CDH18: variants seen among roughly 807,000 people sequenced by gnomAD.
CDH18 encodes the protein cadherin 18.
A neutral mutation model predicts 67.9 loss-of-function variants in CDH18; 31 were observed. The ratio of observed to expected loss-of-function variants is 0.46; its 90% CI spans 0.34 to 0.62. The LOEUF (loss-of-function observed/expected upper bound fraction) is 0.62, where lower values mean the gene tolerates loss of function less well. Among genes scored for constraint, CDH18 ranks in the 20% least tolerant of loss-of-function variants. The probability of loss-of-function intolerance (pLI) is 0.01; values close to 1 mark genes in which losing one functional copy is unlikely to be tolerated. For missense variants in CDH18, 890 were observed against 975.5 expected, an observed-to-expected ratio of 0.91 and a Z score of 1.17; for synonymous variants, 362 against 347.2, an observed-to-expected ratio of 1.04 and a Z score of -0.48.
At chr5:19,612,874 C>A (rs529191924) in intron 5 of CDH18, among the ~76,000 whole-genome samples, 1 of 152,208 alleles carries the variant, frequency 6.6e-6, no homozygotes, top group Admixed American at 6.5e-5. Context: ...GATGCGGTGG[C>A]TCACGCCTGT....
chr5:20,031,553 T>C (rs1739400911), intron 2 of CDH18, among the ~76,000 whole-genome samples: 1 of 152,002 alleles, frequency 6.6e-6, no homozygotes. Flanking sequence ...TGTGCTCCTC[T>C]TTCTAATTTC....
chr5:20,335,669 T>C (rs1160034595), intron 1 of CDH18, among the ~76,000 whole-genome samples: 1 of 152,222 alleles, frequency 6.6e-6, no homozygotes, highest in African/African-American at 2.4e-5. Flanking sequence ...TCTTATCACT[T>C]AAATGGATAG....
intron 1 of CDH18, among the ~76,000 whole-genome samples, chr5:20,307,021 G>A (rs1736526712): frequency 6.6e-6 from 1 of 151,696 alleles, no homozygotes; most frequent in Non-Finnish European, 1.5e-5. Flanking sequence ...GATATCTTAT[G>A]AGGAAAATAC....
intron 2 of CDH18, among the ~76,000 whole-genome samples, chr5:20,099,280 A>G (rs1327082986): frequency 1.3e-5 from 2 of 152,162 alleles, no homozygotes; most frequent in Non-Finnish European, 2.9e-5. Context: ...GGGATTAACA[A>G]TCCTGGCTTC....
At chr5:19,604,530 A>AC (rs1747707671) in intron 6 of CDH18, among the ~76,000 whole-genome samples, 4 of 145,118 alleles carry the variant, frequency 2.8e-5, no homozygotes, top group African/African-American at 1.0e-4. Flanking sequence ...TTCAAATTAA[A>AC]ACACACACAC....
chr5:20,536,809 AT>A (rs1313158316), intron 1 of CDH18, among the ~76,000 whole-genome samples: 1 of 147,006 alleles, frequency 6.8e-6, no homozygotes, highest in Non-Finnish European at 1.5e-5. Context: ...TGAGTATTAT[AT>A]TTTTGATTGT....
chr5:19,945,389 G>C (rs550851977), intron 2 of CDH18, among the ~76,000 whole-genome samples: 1 of 152,152 alleles, frequency 6.6e-6, no homozygotes, highest in Admixed American at 6.6e-5. Flanking sequence ...AGCCAAAGAA[G>C]GGCAACTGAA....
intron 5 of CDH18, among the ~76,000 whole-genome samples, chr5:19,653,397 C>G (rs1017720367): frequency 1.3e-5 from 2 of 151,746 alleles, no homozygotes; most frequent in African/African-American, 2.4e-5. Flanking sequence ...TCAAACATGG[C>G]CGAGTTCACT....
chr5:19,476,626 T>C (rs893315346), intron 12 of CDH18, among the ~76,000 whole-genome samples: 2 of 152,106 alleles, frequency 1.3e-5, no homozygotes, highest in Admixed American at 1.3e-4. Flanking sequence ...TTCATCTTTA[T>C]AATTAAATGA....
At chr5:20,438,148 C>A (rs1749317268) in intron 1 of CDH18, among the ~76,000 whole-genome samples, 1 of 150,914 alleles carries the variant, frequency 6.6e-6, no homozygotes, top group Admixed American at 6.6e-5. Flanking sequence ...TATATCATCC[C>A]TATTCACGAA....
chr5:19,743,695 C>T (rs1049764390), intron 4 of CDH18, among the ~76,000 whole-genome samples: 4 of 152,056 alleles, frequency 2.6e-5, no homozygotes, highest in Admixed American at 1.3e-4. Flanking sequence ...CCCAGAAGGG[C>T]GGATCATTTG....
intron 7 of CDH18, 70 bp downstream of exon 7, chr5:19,590,986 GC>G: frequency 1.1e-6 from 1 of 874,578 alleles, no homozygotes; most frequent in Non-Finnish European, 1.8e-6. Flanking sequence ...GATTATTCAT[GC>G]CTCTGCCAAA....
At chr5:19,799,471 C>G (rs922005054) in intron 3 of CDH18, among the ~76,000 whole-genome samples, 1 of 148,974 alleles carries the variant, frequency 6.7e-6, no homozygotes, top group African/African-American at 2.5e-5. Flanking sequence ...CACACACACA[C>G]ACCACATACA....
At chr5:19,787,731 A>T (rs1348368114) in intron 3 of CDH18, among the ~76,000 whole-genome samples, 1 of 151,518 alleles carries the variant, frequency 6.6e-6, no homozygotes, top group Non-Finnish European at 1.5e-5. Flanking sequence ...ATCAGATGAA[A>T]ATCCAAGATA....
chr5:20,092,450 G>A (rs1466201111), intron 2 of CDH18, among the ~76,000 whole-genome samples: 1 of 152,026 alleles, frequency 6.6e-6, no homozygotes, highest in East Asian at 1.9e-4. Flanking sequence ...ACAACCTAAA[G>A]AGAAAATGTT....
chr5:19,473,245 T>C lies in CDH18; in HGVS notation c.2354A>G (p.Glu785Gly). The part of the protein sequence containing the change: ...KKLAELYGEI[E>G]SERTT ...GACCCCCTAAGTTGTTCTTTCAGAT[T>C]CTATTTCTCCATAGAGTTCAGCTAA... The change falls in exon 13 of 13, where the codon GAA (glutamate) becomes GGA (glycine). Residue 785 changes from glutamate (E) to glycine (G), a missense_variant. By Grantham distance (98) the Glu-to-Gly change is moderately conservative. This residue lies in a region of CDH18 where 656 missense variants were observed against 668.1 expected (regional missense o/e 0.98). Transcript: ENST00000382275. The C allele has an allele frequency of 6.2e-7, 1 of 1,613,268 alleles. No individual in the cohort carries two copies. The highest frequency in any genetic ancestry group is 8.5e-7 in the Non-Finnish European group (1 of 1,179,488).
At chr5:19,982,387 ACT>A (rs1160193776) in intron 1 of CDH18, among the ~76,000 whole-genome samples, 3 of 151,496 alleles carry the variant, frequency 2.0e-5, no homozygotes, top group Admixed American at 6.6e-5. Context: ...AATCTAGAAA[ACT>A]CACATTTTTC....
intron 2 of CDH18, among the ~76,000 whole-genome samples, chr5:19,957,132 G>A (rs2150286897): frequency 6.6e-6 from 1 of 151,980 alleles, no homozygotes; most frequent in East Asian, 1.9e-4. Flanking sequence ...ATAGAATTGA[G>A]CATCTCTAAT....
intron 2 of CDH18, among the ~76,000 whole-genome samples, chr5:20,082,563 T>C (rs1580197253): frequency 6.6e-6 from 1 of 152,316 alleles, no homozygotes; most frequent in African/African-American, 2.4e-5. Context: ...GGTCCTTTGA[T>C]TTAGTTATGT....
Sources: allele counts gnomAD v4.1 joint callset (sites outside exome capture counted in the v4.1 genomes callset), GRCh38; gene constraint gnomAD v4.1.1; regional missense constraint gnomAD v4.1.1; transcripts MANE v1.5; gene names NCBI Gene and HGNC (gene_info 2026-07-23, HGNC 2026-07-21).